The following CA5A variants were observed in gnomAD, a reference collection of about 807,000 sequenced individuals.
The protein encoded by CA5A is carbonic anhydrase 5A, mitochondrial.
Under a neutral mutation model 37.1 loss-of-function variants are expected in CA5A, and 28 were observed. The ratio of observed to expected loss-of-function variants is 0.75; its 90% confidence interval spans 0.56 to 1.03. The LOEUF (loss-of-function observed/expected upper bound fraction) is 1.03, where lower values mean the gene tolerates loss of function less well. Ranked by LOEUF, CA5A falls within the 50% of genes least tolerant of loss-of-function variation. CA5A has a pLI of 0.00. For missense variants in CA5A, 444 were observed against 399.9 expected (o/e 1.11, Z -0.94); for synonymous variants, 171 against 158.4 (o/e 1.08, Z -0.60).
At chr16:87,891,748 G>A (rs111657687) in intron 6 of CA5A, 51 bp downstream of exon 6, 69 of 1,423,846 alleles carry the variant, frequency 4.8e-5, no homozygotes, top group Non-Finnish European at 6.2e-5. Context: ...TGCCAAGCAA[G>A]AGGGACGCCT....
intron 6 of CA5A, among the ~76,000 whole-genome samples, chr16:87,888,915 G>A (rs2143891746): frequency 1.4e-5 from 2 of 147,108 alleles, no homozygotes; most frequent in South Asian, 2.3e-4. Flanking sequence ...ACCACGCCCG[G>A]CTAATTTTTT....
chr16:87,891,735 C>T (rs374168842), intron 6 of CA5A, 64 bp downstream of exon 6: 115 of 1,333,318 alleles, frequency 8.6e-5, no homozygotes, highest in Middle Eastern at 8.1e-4. Flanking sequence ...ATCTTAGTGA[C>T]GCTGCCAAGC....
At chr16:87,897,312 G>A (rs944798777) in intron 5 of CA5A, among the ~76,000 whole-genome samples, 5 of 152,286 alleles carry the variant, frequency 3.3e-5, no homozygotes, top group Admixed American at 2.6e-4. Context: ...GTCCAGGCAT[G>A]GAGGGTGGGG....
At chr16:87,935,247 C>T (rs1029361338) in intron 1 of CA5A, among the ~76,000 whole-genome samples, 2 of 152,182 alleles carry the variant, frequency 1.3e-5, no homozygotes, top group African/African-American at 4.8e-5. Context: ...TCTCATTCTA[C>T]GGAGGAAGCA....
Position 87,926,843 on chromosome 16 carries a change from G to A in CA5A, c.245C>T (p.Pro82Leu). The stretch of plus-strand genomic sequence containing the variant: ...TGCCGCTTCATAGGAGACCCTGAGT[G>A]GCTTCAGCTGGGGGTCATAGACGCT... ...RDSVYDPQLK[P>L]LRVSYEAASC... Residue 82 changes from proline to leucine, a missense_variant, in exon 2 of 7, where the codon CCA becomes CTA. Pro to Leu is a moderately conservative substitution (Grantham distance 98). Coordinates refer to ENST00000649794, the MANE Select transcript of CA5A (RefSeq NM_001739.2). 6.2e-7 allele frequency: 1 copy of A among 1,613,820 alleles called. No individual in the cohort carries two copies.
At position 87,934,873 on chromosome 16, in the gene CA5A, T is replaced by C. The variant is rs547199913; in HGVS notation, c.142+1436A>G. Among the ~76,000 whole-genome samples, 3 of 152,188 alleles carry C rather than the reference T, an allele frequency of 2.0e-5. No individual in the cohort carries two copies. The South Asian group carries it at 6.2e-4, about 32-fold the overall frequency. Reference sequence around the variant, plus strand: ...TACTTGGGAGGCTGAGTCAAGAGGATCGCTTGAACCCAGGAGGCAGAGGCT... The same window carrying C: ...TACTTGGGAGGCTGAGTCAAGAGGACCGCTTGAACCCAGGAGGCAGAGGCT... On this transcript the variant is annotated intron_variant, in intron 1 of 6. Coordinates refer to ENST00000649794, the MANE Select transcript of CA5A (RefSeq NM_001739.2).
At chr16:87,920,374 G>A (rs1445688812) in intron 2 of CA5A, among the ~76,000 whole-genome samples, 3 of 152,166 alleles carry the variant, frequency 2.0e-5, no homozygotes, top group Non-Finnish European at 4.4e-5. Context: ...GGGCAGTGGT[G>A]CAATCTCAGC....
chr16:87,926,013 A>T lies in CA5A; in HGVS notation c.340+735T>A, dbSNP rs144298502. Among the ~76,000 whole-genome samples, 201 of 152,292 alleles carry T rather than the reference A, an allele frequency of 1.3e-3. 2 individuals are homozygous for T. The highest frequency in any genetic ancestry group is 4.6e-3 in the African/African-American group (192 of 41,570). On this transcript the variant is annotated intron_variant, in intron 2 of 6. Coordinates refer to ENST00000649794, the MANE Select transcript of CA5A (RefSeq NM_001739.2). The stretch of plus-strand genomic sequence containing the variant: ...CAAGGTGGGCAGATCACCTGATGTC[A>T]GGGGTTCGAGAGCAGCCTGGCCAAC...
chr16:87,890,158 CTGGCTTAATACTAT>C (rs1158788123), intron 6 of CA5A, among the ~76,000 whole-genome samples: 1 of 152,236 alleles, frequency 6.6e-6, no homozygotes, highest in East Asian at 1.9e-4. Flanking sequence ...ACCGGCCACC[CTGGCTTAATACTAT>C]TGGCTTCGTT....
At chr16:87,903,036 T>TGGG (rs142644010) in intron 3 of CA5A, among the ~76,000 whole-genome samples, 12 of 150,658 alleles carry the variant, frequency 8.0e-5, no homozygotes, top group Non-Finnish European at 1.3e-4. Context: ...GTCTTCCTGG[T>TGGG]GGGGGGGGAA....
intron 2 of CA5A, chr16:87,923,382 T>A (rs1327114240): frequency 5.2e-6 from 1 of 193,712 alleles, no homozygotes; most frequent in Non-Finnish European, 9.4e-6. Context: ...CAGATGGGGT[T>A]TCACCATGTT....
chr16:87,918,610 G>A (rs1232923142), intron 2 of CA5A, among the ~76,000 whole-genome samples: 2 of 152,186 alleles, frequency 1.3e-5, no homozygotes, highest in Non-Finnish European at 1.5e-5. Context: ...GCCCTGCCAC[G>A]GCATGGCCCA....
At chr16:87,913,660 C>A (rs979654837) in intron 2 of CA5A, among the ~76,000 whole-genome samples, 2 of 131,332 alleles carry the variant, frequency 1.5e-5, no homozygotes, top group Admixed American at 7.1e-5. Context: ...GTGGCCCCCC[C>A]CTCCTCTCCA....
chr16:87,920,707 C>G (rs575087653), intron 2 of CA5A, among the ~76,000 whole-genome samples: 1 of 152,108 alleles, frequency 6.6e-6, no homozygotes, highest in Admixed American at 6.6e-5. Context: ...CAACTTCCGC[C>G]TCCCAGGTTC....
chr16:87,925,829 T>C (rs2056298651), intron 2 of CA5A, among the ~76,000 whole-genome samples: 1 of 151,340 alleles, frequency 6.6e-6, no homozygotes, highest in African/African-American at 2.4e-5. Context: ...TCCACCACCG[T>C]CTCCCACCTG....
At chr16:87,886,088 C>A (rs1256844983), downstream of CA5A, 1 of 150,530 alleles carries the variant, frequency 6.6e-6, no homozygotes, top group Admixed American at 6.6e-5. Flanking sequence ...GAGACAACAT[C>A]ATGAAAGAGA....
chr16:87,926,163 G>C (rs1486106693), intron 2 of CA5A, among the ~76,000 whole-genome samples: 2 of 152,158 alleles, frequency 1.3e-5, no homozygotes, highest in African/African-American at 2.4e-5. Flanking sequence ...AGGTTGCAGT[G>C]AGCTGAGATT....
downstream of CA5A, chr16:87,884,489 C>G (rs1246207693): frequency 6.6e-6 from 1 of 151,498 alleles, no homozygotes; most frequent in African/African-American, 2.4e-5. Context: ...ATCACTTGAA[C>G]CTGGGAGGCA....
intron 2 of CA5A, among the ~76,000 whole-genome samples, chr16:87,915,314 T>C (rs759740343): frequency 7.9e-5 from 12 of 152,014 alleles, no homozygotes; most frequent in Non-Finnish European, 1.5e-4. Context: ...TTTATAAACT[T>C]CCAAAGGAAA....
Sources: gnomAD v4.1 joint callset for allele counts (sites outside exome capture counted in the v4.1 genomes callset) on GRCh38, gnomAD v4.1.1 for gene constraint, MANE v1.5 for transcripts, NCBI Gene and HGNC (gene_info 2026-07-23, HGNC 2026-07-21) for gene names.